The following COBL variants were observed in gnomAD, a reference collection of about 807,000 sequenced individuals.
COBL encodes the protein protein cordon-bleu.
Under a neutral mutation model 98.8 loss-of-function variants are expected in COBL, and 51 were observed. The observed-to-expected ratio is 0.52, with a 90% CI of 0.41 to 0.65. The LOEUF is 0.65. COBL is among the 30% of genes least tolerant of loss of function. The probability of loss-of-function intolerance (pLI) is 0.00; values close to 1 mark genes in which losing one functional copy is unlikely to be tolerated. For synonymous variants in COBL, 634 were observed against 651.7 expected (o/e 0.97, Z 0.41); for missense variants, 1,617 against 1,617.5 (o/e 1.00, Z 0.01).
At chr7:51,281,423 G>T (rs957241547) in intron 1 of COBL, among the ~76,000 whole-genome samples, 4 of 152,088 alleles carry the variant, frequency 2.6e-5, no homozygotes, top group African/African-American at 9.7e-5. Flanking sequence ...AAAACTTCCT[G>T]AAAGAAAACA....
intron 6 of COBL, among the ~76,000 whole-genome samples, chr7:51,108,840 G>T (rs935901523): frequency 1.3e-5 from 2 of 151,670 alleles, no homozygotes; most frequent in Non-Finnish European, 2.9e-5. Flanking sequence ...TAGCTCTCCA[G>T]TACCTCCTTA....
chr7:51,151,654 C>T (rs770950548), intron 5 of COBL, among the ~76,000 whole-genome samples: 1 of 152,216 alleles, frequency 6.6e-6, no homozygotes. Context: ...TTACAGCTGG[C>T]CTGCATCAAA....
In COBL at chr7:51,284,349, C is replaced by T. The variant is rs1800113222; in HGVS notation, c.41+32244G>A. 1.3e-5 allele frequency among the ~76,000 whole-genome samples: 2 copies of T among 151,672 alleles called. 1 individual carries two copies. The highest frequency in any genetic ancestry group is 2.9e-5 in the Non-Finnish European group (2 of 67,884). On this transcript the variant is annotated intron_variant, in intron 1 of 12. Coordinates refer to ENST00000265136, the MANE Select transcript of COBL (RefSeq NM_015198.5). ...TACACTACAATCAAGGAGGTTTAATCTCAGGAATGCAAGGCTGGTTCAATA... is the reference window on the plus strand; with the variant it reads ...TACACTACAATCAAGGAGGTTTAATTTCAGGAATGCAAGGCTGGTTCAATA...
intron 1 of COBL, among the ~76,000 whole-genome samples, chr7:51,255,122 T>C (rs2129141356): frequency 6.6e-6 from 1 of 152,334 alleles, no homozygotes; most frequent in South Asian, 2.1e-4. Context: ...TTACACTATT[T>C]CTGACCCTGC....
intron 4 of COBL, among the ~76,000 whole-genome samples, chr7:51,187,757 C>T (rs1363919421): frequency 6.6e-6 from 1 of 152,112 alleles, no homozygotes; most frequent in Admixed American, 6.5e-5. Flanking sequence ...AAACCAAAAT[C>T]TCATGTCAGC....
intron 1 of COBL, among the ~76,000 whole-genome samples, chr7:51,289,407 G>C (rs139758570): frequency 2.2e-4 from 34 of 152,262 alleles, no homozygotes; most frequent in Non-Finnish European, 4.6e-4. Context: ...CACTGCACTC[G>C]GGTGTGGCCC....
chr7:51,118,731 A>T (rs1490007358), intron 6 of COBL, among the ~76,000 whole-genome samples: 2 of 152,180 alleles, frequency 1.3e-5, no homozygotes, highest in Non-Finnish European at 2.9e-5. Flanking sequence ...AACTTCCCCA[A>T]GGTTGTATAG....
intron 5 of COBL, among the ~76,000 whole-genome samples, chr7:51,157,694 AAAAT>A (rs1391006483): frequency 2.0e-5 from 3 of 152,222 alleles, no homozygotes; most frequent in Non-Finnish European, 4.4e-5. Flanking sequence ...CAGACTTTGG[AAAAT>A]AAATAATCAC....
chr7:51,187,563 G>A (rs1336945677), intron 4 of COBL, among the ~76,000 whole-genome samples: 1 of 152,062 alleles, frequency 6.6e-6, no homozygotes, highest in African/African-American at 2.4e-5. Flanking sequence ...GGTAAGCATG[G>A]GCAGGCAGAG....
At chr7:51,032,304 T>A (rs1240094992) in intron 8 of COBL, 1 of 152,272 alleles carries the variant, frequency 6.6e-6, no homozygotes, top group African/African-American at 2.4e-5. Context: ...CAATGGCATC[T>A]GTGAGACAAC....
At chr7:51,190,822 A>T in intron 4 of COBL, 28 bp downstream of exon 4, 1 of 1,578,612 alleles carries the variant, frequency 6.3e-7, no homozygotes, top group South Asian at 1.1e-5. Flanking sequence ...GATTATGGGC[A>T]GGTGCGTGAG....
rs1202368274 is a variant in COBL, at chr7:51,193,364, T to C, written c.456+15A>G. On this transcript the variant is annotated intron_variant, in intron 3 of 12. Transcript: ENST00000265136. ...ACATTCAGACACAGGTATTTCCATG[T>C]AGGTACCTACTAACCTCAGGCACCT... 6.2e-7 allele frequency: 1 copy of C among 1,609,618 alleles called. No individual in the cohort carries two copies. Among genetic ancestry groups the C allele is most frequent in the Non-Finnish European group, 8.5e-7 (1 of 1,176,080 alleles).
chr7:51,040,881 C>T (rs1379000407), intron 8 of COBL, among the ~76,000 whole-genome samples: 1 of 152,224 alleles, frequency 6.6e-6, no homozygotes, highest in South Asian at 2.1e-4. Flanking sequence ...CAAGATTTTA[C>T]ATCAACGGTC....
chr7:51,202,212 A>G (rs1389845556), intron 2 of COBL, among the ~76,000 whole-genome samples: 3 of 152,196 alleles, frequency 2.0e-5, no homozygotes, highest in Non-Finnish European at 4.4e-5. Context: ...CTTAATAAGG[A>G]AAGAAAAAAA....
Position 51,043,477 on chromosome 7 carries a change from C to T in COBL, c.1312G>A (p.Asp438Asn), listed in dbSNP as rs1305335396. The change falls in exon 8 of 13, where the codon GAC becomes AAC. Residue 438 changes from aspartate (D) to asparagine (N), a missense_variant. Asp to Asn is a conservative substitution (Grantham distance 23). Coordinates refer to ENST00000265136, the MANE Select transcript of COBL (RefSeq NM_015198.5). ...CCAGCGAGGTCCTGGTCACTGCAGT[C>T]TTCCTGGTCTGTGGCCCACTTGTCT... ...YKDKWATDQE[D>N]CSDQDLAGTP... is the part of the protein sequence containing the mutation. 3 of 1,614,112 alleles carry T rather than the reference C, an allele frequency of 1.9e-6. No individual in the cohort carries two copies. Among genetic ancestry groups the T allele is most frequent in the Non-Finnish European group, 2.5e-6 (3 of 1,180,058 alleles).
At chr7:51,219,693 T>C (rs1162434304) in intron 2 of COBL, 48 bp downstream of exon 2, 2 of 1,581,530 alleles carry the variant, frequency 1.3e-6, no homozygotes, top group Non-Finnish European at 1.7e-6. Context: ...CTCCCCGCTA[T>C]ACTCGCAAAG....
chr7:51,305,575 A>G (rs1802380608), intron 1 of COBL, among the ~76,000 whole-genome samples: 1 of 152,156 alleles, frequency 6.6e-6, no homozygotes, highest in Admixed American at 6.5e-5. Flanking sequence ...GAAACATCAT[A>G]AGGAGGATAA....
rs1017534746 is a variant in COBL, at chr7:51,043,320, C to A, written c.1406+63G>T. ...ACGTGTTGGATCCCATGACAAAAGA[C>A]CCTCTTTAGAGACACAGATGTGGCT... On this transcript the variant is annotated intron_variant, in intron 8 of 12. Transcript: ENST00000265136. 7.3e-6 allele frequency: 11 copies of A among 1,508,188 alleles called. No homozygotes were observed. In the East Asian group the frequency reaches 2.5e-4, roughly 34 times the overall value. The allele number at this position is 1,508,188 out of a possible 1,614,324, so 93.4% of individuals were successfully genotyped here. A position where few individuals can be genotyped will look rare whatever the true frequency, so the allele number is the denominator to read the frequency against.
chr7:51,030,934 G>T, intron 8 of COBL, 25 bp from the exon 9 acceptor site: 1 of 1,431,382 alleles, frequency 7.0e-7, no homozygotes, highest in Non-Finnish European at 9.8e-7. Context: ...AGAGAAAGGA[G>T]CACTCATTTC....
Sources: allele counts gnomAD v4.1 joint callset (sites outside exome capture counted in the v4.1 genomes callset), GRCh38; gene constraint gnomAD v4.1.1; transcripts MANE v1.5; gene names NCBI Gene and HGNC (gene_info 2026-07-23, HGNC 2026-07-21).